Variants in MCM6 observed in about 807,000 individuals in gnomAD.
MCM6 encodes minichromosome maintenance complex component 6, also known as DNA replication licensing factor MCM6.
A neutral mutation model predicts 94.3 loss-of-function variants in MCM6; 46 were observed. That is an observed-to-expected ratio of 0.49 (90% confidence interval 0.39 to 0.62). The LOEUF (loss-of-function observed/expected upper bound fraction) is 0.62, where lower values mean the gene tolerates loss of function less well. Among genes scored for constraint, MCM6 ranks in the 20% least tolerant of loss-of-function variants. MCM6 has a pLI of 0.00. For missense variants in MCM6, 865 were observed against 1,017.9 expected (o/e 0.85, Z 2.04); for synonymous variants, 335 against 351.9 (o/e 0.95, Z 0.54).
intron 3 of MCM6, 40 bp downstream of exon 3, chr2:135,870,211 A>AT: frequency 6.8e-7 from 1 of 1,463,686 alleles, no homozygotes; most frequent in South Asian, 1.1e-5. Flanking sequence ...TACTTATACC[A>AT]TTTGGTGAAT....
In MCM6 at chr2:135,842,452, T is replaced by C. The variant is rs749314940; in HGVS notation, c.2350-1501A>G. ...AAATCTCTGCCACATAATAGGAAAA[T>C]TTAACCATTCAACATATATTTGATC... On this transcript the variant is annotated intron_variant, in intron 16 of 16. Transcript: ENST00000264156. 6.4e-4 allele frequency among the ~76,000 whole-genome samples: 98 copies of C among 152,232 alleles called. 1 individual carries two copies. Among genetic ancestry groups the C allele is most frequent in the Non-Finnish European group, 1.2e-3 (82 of 68,010 alleles).
At position 135,865,081 on chromosome 2, in the gene MCM6, A is replaced by G. The variant is rs1680065800; in HGVS notation, c.1010T>C (p.Val337Ala). ...ATTTTTATCTTGACTCATCTCAAACACTTTCTCCCATTCTTTCACAGTCAT... is the reference window on the plus strand; with the variant it reads ...ATTTTTATCTTGACTCATCTCAAACGCTTTCTCCCATTCTTTCACAGTCAT... ...NQMTVKEWEKVFEMSQDKNLY... is the reference protein window; with the variant it reads ...NQMTVKEWEKAFEMSQDKNLY... Residue 337 changes from valine (V) to alanine (A), a missense_variant, in exon 7 of 17, where the codon GTG (valine) becomes GCG (alanine). Val to Ala is a moderately conservative substitution (Grantham distance 64). Transcript: ENST00000264156. The G allele has an allele frequency of 6.3e-7, 1 of 1,581,744 alleles. No individual in the cohort carries two copies. The highest frequency in any genetic ancestry group is 1.4e-5 in the African/African-American group (1 of 73,768).
intron 16 of MCM6, among the ~76,000 whole-genome samples, chr2:135,842,310 C>A (rs897699802): frequency 6.6e-6 from 1 of 152,092 alleles, no homozygotes; most frequent in South Asian, 2.1e-4. Flanking sequence ...CTCCCTACCC[C>A]TCAATAATCA....
In MCM6 at chr2:135,866,157, C is replaced by G. The variant is rs1394561565; in HGVS notation, c.902G>C (p.Cys301Ser). The G allele has an allele frequency of 6.2e-7, 1 of 1,614,122 alleles. No homozygotes were observed. The highest frequency in any genetic ancestry group is 8.5e-7 in the Non-Finnish European group (1 of 1,180,020). The change falls in exon 6 of 17, where the codon TGC becomes TCC. Residue 301 changes from cysteine to serine, a missense_variant. Physicochemically the swap from Cys to Ser is moderately radical, Grantham distance 112. Transcript: ENST00000264156. ...CCTTGGGTTGGTTGGCGCAACACAG[C>G]AGGCAAGAAAGACCAGCCTATAAGA... ...DLSYRLVFLA[C>S]CVAPTNPRFG...
rs1575357305 is a variant in MCM6, at chr2:135,844,801, C to T, written c.2210-117G>A. Reference sequence around the variant, plus strand: ...CAGATTAGATAAATGTCAAGCCGTCCGAAAGTACATCTGGTGACGTAAGGT... The same window carrying T: ...CAGATTAGATAAATGTCAAGCCGTCTGAAAGTACATCTGGTGACGTAAGGT... On this transcript the variant is annotated intron_variant, in intron 15 of 16. Transcript: ENST00000264156. The T allele has an allele frequency of 1.3e-5, 14 of 1,064,354 alleles. No individual in the cohort carries two copies. In the South Asian group the frequency reaches 2.2e-4, roughly 17 times the overall value. 65.9% of individuals were successfully genotyped at this position (1,064,354 alleles called of 1,614,324 possible).
chr2:135,848,584 T>G (rs1679711669), intron 13 of MCM6, among the ~76,000 whole-genome samples: 1 of 152,064 alleles, frequency 6.6e-6, no homozygotes, highest in Admixed American at 6.6e-5. Context: ...CAAAGACATA[T>G]ACATCCCATA....
chr2:135,864,098 G>A, intron 7 of MCM6, among the ~76,000 whole-genome samples: 1 of 152,072 alleles, frequency 6.6e-6, no homozygotes, highest in East Asian at 1.9e-4. Context: ...GCGACAGAGT[G>A]AGACTCTGTC....
chr2:135,863,571 A>AG (rs1047481993), intron 7 of MCM6, among the ~76,000 whole-genome samples: 1 of 151,590 alleles, frequency 6.6e-6, no homozygotes, highest in African/African-American at 2.4e-5. Context: ...AAAAAAAAAA[A>AG]TTTTTTTTAA....
intron 16 of MCM6, among the ~76,000 whole-genome samples, chr2:135,841,629 G>A (rs1679573829): frequency 6.6e-6 from 1 of 152,150 alleles, no homozygotes; most frequent in South Asian, 2.1e-4. Flanking sequence ...AGCCACTAAG[G>A]GGGACTGGAC....
rs1336347501 is a variant in MCM6, at chr2:135,876,271, T to A, written c.95A>T (p.Asp32Val). Reference sequence around the variant, plus strand: ...CTCGCCGACTTACTCCTCCAAGAAGTCCAGGAACAGTTTCTGGCACTTCTC... The same window carrying A: ...CTCGCCGACTTACTCCTCCAAGAAGACCAGGAACAGTTTCTGGCACTTCTC... ...VAEKCQKLFL[D>V]FLEEFQSSDG... Residue 32 changes from aspartate to valine, a missense_variant, in exon 1 of 17, where the codon GAC becomes GTC. Transcript: ENST00000264156. 1 of 1,608,946 alleles carries A rather than the reference T, an allele frequency of 6.2e-7. No individual in the cohort carries two copies. Among genetic ancestry groups the A allele is most frequent in the South Asian group, 1.1e-5 (1 of 90,866 alleles).
intron 10 of MCM6, among the ~76,000 whole-genome samples, chr2:135,857,580 TAATATA>T (rs1451264028): frequency 6.6e-6 from 1 of 152,148 alleles, no homozygotes; most frequent in Non-Finnish European, 1.5e-5. Context: ...AATACTCTGT[TAATATA>T]AATAAATATA....
At position 135,851,417 on chromosome 2, in the gene MCM6, C is replaced by T; in HGVS notation, c.1902G>A (p.Met634Ile). The change falls in exon 13 of 17, where the codon ATG (methionine) becomes ATA (isoleucine). Residue 634 changes from methionine (M) to isoleucine (I), a missense_variant. Physicochemically the swap from Met to Ile is conservative, Grantham distance 10. This residue lies in a region of MCM6 where 308 missense variants were observed against 324.5 expected (regional missense o/e 0.95). Coordinates refer to ENST00000264156, the MANE Select transcript of MCM6 (RefSeq NM_005915.6). ...MIRLSEAMAR[M>I]HCCDEVQPKH... is the part of the protein sequence containing the mutation. ...ACTCTGATACCTCATCACAGCAGTG[C>T]ATCCGAGCCATAGCTTCAGAGAGAC... 3 of 1,613,138 alleles carry T rather than the reference C, an allele frequency of 1.9e-6. No individual in the cohort carries two copies. The highest frequency in any genetic ancestry group is 2.5e-6 in the Non-Finnish European group (3 of 1,179,540).
intron 1 of MCM6, among the ~76,000 whole-genome samples, chr2:135,874,825 A>G (rs1025420741): frequency 2.6e-5 from 4 of 152,236 alleles, no homozygotes; most frequent in African/African-American, 9.6e-5. Flanking sequence ...CAATGTGTAC[A>G]GACAATGTTA....
chr2:135,871,312 G>C (rs1680195721), intron 2 of MCM6, among the ~76,000 whole-genome samples: 1 of 152,188 alleles, frequency 6.6e-6, no homozygotes, highest in Non-Finnish European at 1.5e-5. Context: ...AGGCTTGATT[G>C]TCTACCTCTC....
At position 135,876,326 on chromosome 2, in the gene MCM6, GGCTGCCGGCGCCCGGCTCC is replaced by G. The variant is rs1199134117; in HGVS notation, c.21_39del (p.Glu8SerfsTer36). On this transcript the variant is annotated frameshift_variant, in exon 1 of 17. Coordinates refer to ENST00000264156, the MANE Select transcript of MCM6 (RefSeq NM_005915.6). LOFTEE classifies it high-confidence loss of function. ...ACCTCGTCGCGGACCTCCAGGTGCT[GGCTGCCGGCGCCCGGCTCC>G]GCTGCCGCCGCGAGGTCCATATTTG... 1.2e-6 allele frequency: 2 copies of G among 1,610,158 alleles called. No individual in the cohort carries two copies. Among genetic ancestry groups the G allele is most frequent in the Non-Finnish European group, 1.7e-6 (2 of 1,179,316 alleles).
intron 11 of MCM6, among the ~76,000 whole-genome samples, chr2:135,853,839 GTTA>G (rs1004852136): frequency 6.6e-6 from 1 of 152,166 alleles, no homozygotes; most frequent in Non-Finnish European, 1.5e-5. Flanking sequence ...AGGGTAAAAT[GTTA>G]TTATGTGAAT....
At chr2:135,875,978 G>A (rs924274716) in intron 1 of MCM6, among the ~76,000 whole-genome samples, 1 of 152,234 alleles carries the variant, frequency 6.6e-6, no homozygotes, top group Non-Finnish European at 1.5e-5. Flanking sequence ...GCAAATACCA[G>A]GCTCGCGGGG....
At chr2:135,864,285 A>C (rs1575365699) in intron 7 of MCM6, among the ~76,000 whole-genome samples, 2 of 152,188 alleles carry the variant, frequency 1.3e-5, no homozygotes, top group Admixed American at 1.3e-4. Flanking sequence ...GAAACTGCCA[A>C]AGGTATAGAC....
chr2:135,866,410 T>C, intron 5 of MCM6, 133 bp from the exon 6 acceptor site: 1 of 1,395,218 alleles, frequency 7.2e-7, no homozygotes, highest in Non-Finnish European at 9.8e-7. Context: ...TAGCACCATT[T>C]GTGGCAAAAC....
Sources: allele counts gnomAD v4.1 joint callset (sites outside exome capture counted in the v4.1 genomes callset), GRCh38; gene constraint gnomAD v4.1.1; regional missense constraint gnomAD v4.1.1; transcripts MANE v1.5; gene names NCBI Gene and HGNC (gene_info 2026-07-23, HGNC 2026-07-21).